The following CDH23 variants were observed in gnomAD, a reference collection of about 807,000 sequenced individuals.
The protein encoded by CDH23 is cadherin related 23, also known as cadherin-23.
CDH23 carries 189 observed loss-of-function variants against 317.1 expected under a neutral mutation model. The observed-to-expected ratio is 0.60, with a 90% confidence interval of 0.53 to 0.67. The LOEUF (loss-of-function observed/expected upper bound fraction) is 0.67, where lower values mean the gene tolerates loss of function less well. Ranked by LOEUF, CDH23 falls within the 30% of genes least tolerant of loss-of-function variation. CDH23 has a pLI of 0.00. For synonymous variants in CDH23, 1,839 were observed against 1,876.8 expected (o/e 0.98, Z 0.52); for missense variants, 4,401 against 4,592.4 (o/e 0.96, Z 1.20).
intron 8 of CDH23, among the ~76,000 whole-genome samples, chr10:71,572,099 G>A (rs1050459375): frequency 1.3e-5 from 2 of 152,204 alleles, no homozygotes; most frequent in Admixed American, 6.5e-5. Flanking sequence ...GATCCTTTCC[G>A]GCCTGCTACT....
At chr10:71,403,609 C>T (rs930732800) in intron 1 of CDH23, among the ~76,000 whole-genome samples, 5 of 150,488 alleles carry the variant, frequency 3.3e-5, no homozygotes, top group East Asian at 2.0e-4. Context: ...CTCCGCCTCC[C>T]GGATTCAAGT....
rs985811508 is a variant in CDH23 at position 71,650,423 on chromosome 10, C to T, written c.1449+3806C>T. 3.3e-5 allele frequency among the ~76,000 whole-genome samples: 5 copies of T among 152,156 alleles called. No individual in the cohort carries two copies. The East Asian group carries it at 5.8e-4, about 18-fold the overall frequency. ...GCGGGGGTGCATATGTGTATATGTGCGCAGGCATGTGAGGTATGCTTGTGG... is the reference window on the plus strand; with the variant it reads ...GCGGGGGTGCATATGTGTATATGTGTGCAGGCATGTGAGGTATGCTTGTGG... On this transcript the variant is annotated intron_variant, in intron 14 of 69. Coordinates refer to ENST00000224721, the MANE Select transcript of CDH23 (RefSeq NM_022124.6).
At chr10:71,496,373 G>A (rs956204270) in intron 3 of CDH23, among the ~76,000 whole-genome samples, 1 of 151,704 alleles carries the variant, frequency 6.6e-6, no homozygotes, top group Non-Finnish European at 1.5e-5. Context: ...ATTGGCCTAA[G>A]CTGAATGTGC....
intron 28 of CDH23, chr10:71,715,249 C>G (rs568212787): frequency 2.0e-5 from 3 of 152,300 alleles, no homozygotes; most frequent in Non-Finnish European, 4.4e-5. Flanking sequence ...TCTTCAATCC[C>G]TTCCTGATTG....
At chr10:71,702,385 G>T (rs1865623974) in intron 23 of CDH23, among the ~76,000 whole-genome samples, 164 bp from the exon 24 acceptor site, 1 of 152,172 alleles carries the variant, frequency 6.6e-6, no homozygotes, top group South Asian at 2.1e-4. Context: ...GGAACGGAGG[G>T]AGCTGGGGAG....
intron 53 of CDH23, among the ~76,000 whole-genome samples, chr10:71,801,610 CTT>C (rs1841561347): frequency 6.6e-6 from 1 of 152,160 alleles, no homozygotes; most frequent in Non-Finnish European, 1.5e-5. Flanking sequence ...TTTGCTTCCT[CTT>C]TCTCTCTCCT....
At chr10:71,586,059 T>TC (rs1481590833) in intron 9 of CDH23, among the ~76,000 whole-genome samples, 1 of 152,218 alleles carries the variant, frequency 6.6e-6, no homozygotes, top group Non-Finnish European at 1.5e-5. Context: ...GCCTCTCCCT[T>TC]CTGCTAGACC....
At chr10:71,515,394 T>TCTCTCACA (rs1491490493) in intron 6 of CDH23, among the ~76,000 whole-genome samples, 9 of 26,700 alleles carry the variant, frequency 3.4e-4, no homozygotes, top group African/African-American at 7.6e-4. Flanking sequence ...TCTCTCTCTC[T>TCTCTCACA]CACACACACA....
At chr10:71,702,263 C>T (rs376019070) in intron 23 of CDH23, 52 bp downstream of exon 23, 530 of 1,575,128 alleles carry the variant, frequency 3.4e-4, no homozygotes, top group Non-Finnish European at 4.5e-4. Flanking sequence ...CTGCGGGTGT[C>T]CCTGGTGACT....
At chr10:71,728,181 A>G (rs1035783899) in intron 30 of CDH23, among the ~76,000 whole-genome samples, 1 of 152,072 alleles carries the variant, frequency 6.6e-6, no homozygotes, top group African/African-American at 2.4e-5. Context: ...AAATTCATCC[A>G]TGCAAACTCC....
chr10:71,406,608 A>G lies in CDH23; in HGVS notation c.-6+9290A>G, dbSNP rs1390174660. On this transcript the variant is annotated intron_variant, in intron 1 of 69. Coordinates refer to ENST00000224721, the MANE Select transcript of CDH23 (RefSeq NM_022124.6). ...GGTCTATGTTGCTAAGCAGCAGTACAGAACAGCTTTTAGGCTTGCCGGACA... is the reference window on the plus strand; with the variant it reads ...GGTCTATGTTGCTAAGCAGCAGTACGGAACAGCTTTTAGGCTTGCCGGACA... Among the ~76,000 whole-genome samples the G allele has an allele frequency of 2.0e-5, 3 of 152,244 alleles. No individual in the cohort carries two copies. The East Asian group carries it at 5.8e-4, about 29-fold the overall frequency.
At chr10:71,622,858 CCA>C in intron 11 of CDH23, 1 of 861,040 alleles carries the variant, frequency 1.2e-6, no homozygotes. Flanking sequence ...CTTCCCCACC[CCA>C]GAGAGGCCTC....
At chr10:71,590,506 G>A (rs765873510) in intron 9 of CDH23, among the ~76,000 whole-genome samples, 29 of 152,280 alleles carry the variant, frequency 1.9e-4, no homozygotes, top group Non-Finnish European at 3.7e-4. Flanking sequence ...AAGCACTTTT[G>A]AATCCATAAA....
intron 28 of CDH23, chr10:71,716,661 T>C: frequency 3.9e-6 from 1 of 258,758 alleles, no homozygotes; most frequent in Non-Finnish European, 7.3e-6. Context: ...CACAGGGTCT[T>C]AGGCCTGGAA....
chr10:71,767,618 G>C lies in CDH23; in HGVS notation c.4846-10062G>C, dbSNP rs139774594. Among the ~76,000 whole-genome samples, 445 of 152,352 alleles carry C rather than the reference G, an allele frequency of 2.9e-3. 5 individuals carry two copies. Among genetic ancestry groups the C allele is most frequent in the Middle Eastern group, 0.01 (3 of 294 alleles). On this transcript the variant is annotated intron_variant, in intron 38 of 69. Coordinates refer to ENST00000224721, the MANE Select transcript of CDH23 (RefSeq NM_022124.6). ...TGTTCTGTCTTTATCAAGATGCAGA[G>C]GGAAACAGAGGCATGGATCAATCAG...
At chr10:71,434,751 G>T (rs995772690) in intron 1 of CDH23, among the ~76,000 whole-genome samples, 1 of 152,202 alleles carries the variant, frequency 6.6e-6, no homozygotes, top group African/African-American at 2.4e-5. Context: ...TGAGGGGAAG[G>T]TGGTGGAGGG....
At chr10:71,807,180 C>A in intron 57 of CDH23, 97 bp from the exon 58 acceptor site, 1 of 1,465,108 alleles carries the variant, frequency 6.8e-7, no homozygotes, top group South Asian at 1.3e-5. Context: ...TAAACTCCCT[C>A]AGCACCTACA....
chr10:71,799,274 C>T lies in CDH23; in HGVS notation c.7218C>T (p.Ser2406=). 1 of 1,614,028 alleles carries T rather than the reference C, an allele frequency of 6.2e-7. No homozygotes were observed. The highest frequency in any genetic ancestry group is 8.5e-7 in the Non-Finnish European group (1 of 1,179,862). ...NDNNPIFDQP[S]YQEAVFEDVP... ...ACAACCCCATCTTTGACCAGCCCTC[C>T]TACCAGGTGGGTGGCCAGGCCACAG... is the stretch of plus-strand genomic sequence containing the variant. The change falls in exon 51 of 70, where the codon TCC becomes TCT. Residue 2406 remains serine, a synonymous_variant. Coordinates refer to ENST00000224721, the MANE Select transcript of CDH23 (RefSeq NM_022124.6).
At chr10:71,725,689 T>TG (rs1205239235) in intron 30 of CDH23, among the ~76,000 whole-genome samples, 169 bp downstream of exon 30, 1 of 152,234 alleles carries the variant, frequency 6.6e-6, no homozygotes, top group African/African-American at 2.4e-5. Flanking sequence ...GCCTGGGACT[T>TG]GGACTTGTCA....
Sources: gnomAD v4.1 joint callset for allele counts (sites outside exome capture counted in the v4.1 genomes callset) on GRCh38, gnomAD v4.1.1 for gene constraint, MANE v1.5 for transcripts, NCBI Gene and HGNC (gene_info 2026-07-23, HGNC 2026-07-21) for gene names.